Variants in SUPT3H observed in about 807,000 individuals in gnomAD.
SUPT3H encodes the protein transcription initiation protein SPT3 homolog.
A neutral mutation model predicts 44.3 loss-of-function variants in SUPT3H; 44 were observed. The observed-to-expected ratio is 0.99, with a 90% CI of 0.78 to 1.28. The LOEUF is 1.28. Among genes scored for constraint, SUPT3H ranks in the 50% most tolerant of loss-of-function variants. The probability of loss-of-function intolerance (pLI) is 0.00; values close to 1 mark genes in which losing one functional copy is unlikely to be tolerated. For synonymous variants in SUPT3H, 124 were observed against 125.6 expected (o/e 0.99, Z 0.09); for missense variants, 380 against 387.1 (o/e 0.98, Z 0.15).
At chr6:44,863,497 T>G (rs1157124598) in intron 10 of SUPT3H, among the ~76,000 whole-genome samples, 1 of 152,104 alleles carries the variant, frequency 6.6e-6, no homozygotes. Context: ...GAATAAGCCA[T>G]GTAGTATAAT....
intron 2 of SUPT3H, among the ~76,000 whole-genome samples, chr6:45,143,592 A>T (rs976304642): frequency 6.6e-6 from 1 of 152,172 alleles, no homozygotes; most frequent in Non-Finnish European, 1.5e-5. Context: ...GCCTACATCA[A>T]ATAGTCTGAA....
At chr6:45,219,779 G>C (rs929402174) in intron 2 of SUPT3H, among the ~76,000 whole-genome samples, 1 of 151,938 alleles carries the variant, frequency 6.6e-6, no homozygotes, top group Non-Finnish European at 1.5e-5. Flanking sequence ...AGCAGCTCAC[G>C]CCTGTAATCC....
chr6:45,178,077 T>G (rs1340258209), intron 2 of SUPT3H, among the ~76,000 whole-genome samples: 2 of 152,066 alleles, frequency 1.3e-5, no homozygotes, highest in South Asian at 2.1e-4. Flanking sequence ...CAATATTAAC[T>G]TTAAATTTAA....
intron 3 of SUPT3H, among the ~76,000 whole-genome samples, chr6:45,068,929 A>T (rs907876932): frequency 6.6e-6 from 1 of 151,884 alleles, no homozygotes. Flanking sequence ...AAACCCCCTT[A>T]AACATTCTAT....
intron 2 of SUPT3H, among the ~76,000 whole-genome samples, chr6:45,137,223 T>G (rs934524852): frequency 6.6e-6 from 1 of 152,086 alleles, no homozygotes; most frequent in Admixed American, 6.6e-5. Flanking sequence ...GAGAATGTGT[T>G]GCTAGAGGAC....
intron 5 of SUPT3H, among the ~76,000 whole-genome samples, chr6:45,014,303 C>A (rs1254679624): frequency 3.9e-5 from 6 of 152,080 alleles, no homozygotes; most frequent in African/African-American, 1.4e-4. Flanking sequence ...CCATCCCAAA[C>A]TTCATGGTGT....
chr6:45,217,850 G>T (rs528697535), intron 2 of SUPT3H, among the ~76,000 whole-genome samples: 1 of 151,396 alleles, frequency 6.6e-6, no homozygotes, highest in East Asian at 2.0e-4. Context: ...AGATCACACT[G>T]CTGCACTCCA....
intron 10 of SUPT3H, among the ~76,000 whole-genome samples, chr6:44,894,468 A>T (rs1763805993): frequency 6.6e-6 from 1 of 151,952 alleles, no homozygotes; most frequent in African/African-American, 2.4e-5. Flanking sequence ...AGCACCATTT[A>T]TAAATAGGGA....
intron 2 of SUPT3H, among the ~76,000 whole-genome samples, chr6:45,232,305 T>C (rs1187827398): frequency 6.6e-6 from 1 of 152,222 alleles, no homozygotes; most frequent in Non-Finnish European, 1.5e-5. Flanking sequence ...CTATATGATT[T>C]CTCCAGCTGT....
At chr6:44,829,887 T>C in intron 10 of SUPT3H, 30 bp from the exon 11 acceptor site, 1 of 1,611,040 alleles carries the variant, frequency 6.2e-7, no homozygotes, top group Non-Finnish European at 8.5e-7. Flanking sequence ...CTGCAATGAA[T>C]TATCACATGA....
At chr6:44,829,966 C>CAATCT in intron 10 of SUPT3H, 109 bp from the exon 11 acceptor site, 2 of 956,984 alleles carry the variant, frequency 2.1e-6, no homozygotes, top group East Asian at 2.4e-5. Context: ...CTGCTGGCTA[C>CAATCT]AATCTAATAG....
intron 10 of SUPT3H, among the ~76,000 whole-genome samples, chr6:44,914,011 AC>A (rs202191503): frequency 0.027 from 4,068 of 152,270 alleles, 104 homozygotes; most frequent in South Asian, 0.12. Context: ...TTCATCAAGT[AC>A]CATTACAAAG....
At chr6:45,288,763 C>T (rs1779816234) in intron 2 of SUPT3H, among the ~76,000 whole-genome samples, 1 of 151,440 alleles carries the variant, frequency 6.6e-6, no homozygotes, top group African/African-American at 2.4e-5. Context: ...AAAGACAAAC[C>T]ATTACCATTA....
At chr6:44,825,300 T>A (rs1767658652), downstream of SUPT3H, among the ~76,000 whole-genome samples, 1 of 152,256 alleles carries the variant, frequency 6.6e-6, no homozygotes, top group African/African-American at 2.4e-5. Context: ...ATTATATACA[T>A]AATACTTGGC....
chr6:45,265,978 T>C (rs916220489), intron 2 of SUPT3H, among the ~76,000 whole-genome samples: 2 of 152,044 alleles, frequency 1.3e-5, no homozygotes, highest in Admixed American at 1.3e-4. Flanking sequence ...ACAGAATTAA[T>C]GTTCAGAAAC....
At chr6:44,878,998 C>G (rs561248095) in intron 10 of SUPT3H, among the ~76,000 whole-genome samples, 1 of 152,200 alleles carries the variant, frequency 6.6e-6, no homozygotes, top group African/African-American at 2.4e-5. Context: ...AACTGGGCAG[C>G]TGTTTGGGCA....
intron 10 of SUPT3H, among the ~76,000 whole-genome samples, chr6:44,924,354 G>C (rs1190457521): frequency 6.6e-6 from 1 of 151,998 alleles, no homozygotes; most frequent in Non-Finnish European, 1.5e-5. Flanking sequence ...TATTCCAACT[G>C]TCATCCATAA....
chr6:44,881,143 C>T (rs191277444), intron 10 of SUPT3H, among the ~76,000 whole-genome samples: 1 of 151,986 alleles, frequency 6.6e-6, no homozygotes, highest in Non-Finnish European at 1.5e-5. Context: ...ATTCAGGAGA[C>T]CCATCTCATG....
At chr6:45,281,481 G>C (rs1421396294) in intron 2 of SUPT3H, among the ~76,000 whole-genome samples, 1 of 152,196 alleles carries the variant, frequency 6.6e-6, no homozygotes, top group Admixed American at 6.5e-5. Context: ...TGCCCACAAA[G>C]CCTCGCTCAT....
Sources: gnomAD v4.1 joint callset for allele counts (sites outside exome capture counted in the v4.1 genomes callset) on GRCh38, gnomAD v4.1.1 for gene constraint, MANE v1.5 for transcripts, NCBI Gene and HGNC (gene_info 2026-07-23, HGNC 2026-07-21) for gene names.